The following C2orf74 variants were observed in gnomAD, a reference collection of about 807,000 sequenced individuals.
C2orf74 encodes DPM1 ER membrane anchor 1, also known as uncharacterized protein C2orf74.
Under a neutral mutation model 17.9 loss-of-function variants are expected in C2orf74, and 14 were observed. That is an observed-to-expected ratio of 0.78 (90% confidence interval 0.52 to 1.22). The LOEUF (loss-of-function observed/expected upper bound fraction) is 1.22, where lower values mean the gene tolerates loss of function less well. Among genes scored for constraint, C2orf74 ranks in the 50% most tolerant of loss-of-function variants. The pLI is 0.00. For missense variants in C2orf74, 217 were observed against 218.4 expected, an observed-to-expected ratio of 0.99 and a Z score of 0.04; for synonymous variants, 79 against 72.6, an observed-to-expected ratio of 1.09 and a Z score of -0.44.
chr2:61,148,278 CT>C (rs2105012437), intron 1 of C2orf74, among the ~76,000 whole-genome samples: 1 of 151,836 alleles, frequency 6.6e-6, no homozygotes, highest in African/African-American at 2.4e-5. Flanking sequence ...CCTCCGCCCC[CT>C]GGCTTCAAGC....
chr2:61,153,495 G>A (rs1485863027), intron 1 of C2orf74, among the ~76,000 whole-genome samples: 1 of 151,342 alleles, frequency 6.6e-6, no homozygotes, highest in Non-Finnish European at 1.5e-5. Context: ...TGTTAGCCAG[G>A]GTGGTCTCAA....
chr2:61,145,907 C>T (rs183768069), intron 1 of C2orf74, among the ~76,000 whole-genome samples: 3 of 152,120 alleles, frequency 2.0e-5, no homozygotes, highest in Non-Finnish European at 4.4e-5. Flanking sequence ...TGGTAATATA[C>T]TCAATATAGG....
upstream of C2orf74, chr2:61,157,946 C>T (rs528746738): frequency 1.1e-3 from 538 of 471,270 alleles, 6 homozygotes; most frequent in South Asian, 4.5e-3. Context: ...GCCCAAGTTG[C>T]TGCAGATCCT....
chr2:61,149,083 A>G (rs1286066720), intron 1 of C2orf74, among the ~76,000 whole-genome samples: 1 of 152,236 alleles, frequency 6.6e-6, no homozygotes, highest in African/African-American at 2.4e-5. Context: ...ACATGAGCGC[A>G]GATGAGCTTC....
At chr2:61,150,759 T>C (rs1685201562) in intron 1 of C2orf74, among the ~76,000 whole-genome samples, 1 of 152,072 alleles carries the variant, frequency 6.6e-6, no homozygotes, top group Admixed American at 6.5e-5. Flanking sequence ...CTCATCACTT[T>C]TGTTGGAGTT....
At position 61,162,421 on chromosome 2, in the gene C2orf74, T is replaced by G. The variant is rs1685588267; in HGVS notation, c.-94T>G. The stretch of plus-strand genomic sequence containing the variant: ...TTTTATTCCTCTGTTTCTAGAAAAC[T>G]TAAAGAACAAGAGAACTGCATTCAA... On this transcript the variant is annotated 5_prime_UTR_variant, in exon 2 of 5. Transcript: ENST00000432605. The G allele has an allele frequency of 2.1e-6, 2 of 952,140 alleles. No homozygotes were observed. Among genetic ancestry groups the G allele is most frequent in the African/African-American group, 1.7e-5 (1 of 59,728 alleles). The allele number at this position is 952,140 out of a possible 1,614,324, so 59.0% of individuals were successfully genotyped here.
chr2:61,158,129 C>T, upstream of C2orf74: 2 of 396,490 alleles, frequency 5.0e-6, no homozygotes, highest in South Asian at 3.7e-5. Context: ...ACCCCTGCTC[C>T]CCCATCTTCT....
Position 61,164,779 on chromosome 2 carries a change from A to G in C2orf74, c.*252A>G, listed in dbSNP as rs1685680538. On this transcript the variant is annotated 3_prime_UTR_variant, in exon 5 of 5. Transcript: ENST00000432605. ...GATTGTATTGCCCTTAAAACTATCT[A>G]CTCAAACACTGTTCTGGCATGTGAA... 1 of 303,558 alleles carries G rather than the reference A, an allele frequency of 3.3e-6. No individual in the cohort carries two copies. The highest frequency in any genetic ancestry group is 6.3e-5 in the East Asian group (1 of 15,870). 18.8% of individuals were successfully genotyped at this position (303,558 alleles called of 1,614,324 possible).
chr2:61,145,758 C>G (rs546235052), intron 1 of C2orf74, among the ~76,000 whole-genome samples: 1 of 152,074 alleles, frequency 6.6e-6, no homozygotes, highest in Non-Finnish European at 1.5e-5. Flanking sequence ...ACAGGTGGCA[C>G]GATCACAGCT....
Position 61,150,063 on chromosome 2 carries a change from C to T in C2orf74, c.-122+4867C>T, listed in dbSNP as rs77198198. Among the ~76,000 whole-genome samples, 66 of 152,194 alleles carry T rather than the reference C, an allele frequency of 4.3e-4. No individual in the cohort carries two copies. The East Asian group carries it at 0.011, about 26-fold the overall frequency. On this transcript the variant is annotated intron_variant, in intron 1 of 3. Transcript: ENST00000426997. ...ATAATACTGGGTCTGCAAAGATCGC[C>T]GAATGGTTGATGGAAGAATACTATA... is the stretch of plus-strand genomic sequence containing the variant.
intron 1 of C2orf74, among the ~76,000 whole-genome samples, chr2:61,152,617 G>A (rs567561771): frequency 3.9e-5 from 6 of 151,980 alleles, no homozygotes; most frequent in Non-Finnish European, 5.9e-5. Flanking sequence ...GGGAGGCTGA[G>A]GCGGGCAGAT....
At chr2:61,156,349 G>T (rs1179081284) in intron 1 of C2orf74, among the ~76,000 whole-genome samples, 1 of 151,744 alleles carries the variant, frequency 6.6e-6, no homozygotes, top group Non-Finnish European at 1.5e-5. Flanking sequence ...ACCACCCTGG[G>T]CAACATGGCA....
chr2:61,159,354 T>A (rs1227498542), upstream of C2orf74: 1 of 359,550 alleles, frequency 2.8e-6, no homozygotes, highest in Non-Finnish European at 5.4e-6. Context: ...TGGAGTGCAG[T>A]GGCACGATCT....
At chr2:61,156,239 T>C (rs1033587043) in intron 1 of C2orf74, among the ~76,000 whole-genome samples, 1 of 151,782 alleles carries the variant, frequency 6.6e-6, no homozygotes. Context: ...AGGGAATGAA[T>C]AGAAGTTAAA....
chr2:61,155,316 G>A (rs560084928), intron 1 of C2orf74, among the ~76,000 whole-genome samples: 5 of 152,090 alleles, frequency 3.3e-5, no homozygotes, highest in African/African-American at 9.6e-5. Flanking sequence ...TTCATGAAAT[G>A]TTTCTACTAT....
At chr2:61,151,520 G>C (rs1226774641) in intron 1 of C2orf74, 1 of 151,744 alleles carries the variant, frequency 6.6e-6, no homozygotes, top group Non-Finnish European at 1.5e-5. Flanking sequence ...CAAGATGTTA[G>C]TCTAAAGTAA....
At chr2:61,153,883 C>T (rs112695134) in intron 1 of C2orf74, among the ~76,000 whole-genome samples, 64,027 of 149,398 alleles carry the variant, frequency 0.43, 13,922 homozygotes, top group Middle Eastern at 0.51. Context: ...AGCAACACTC[C>T]GTCTCAAAAA....
intron 1 of C2orf74, among the ~76,000 whole-genome samples, chr2:61,154,170 G>T (rs1029518571): frequency 2.0e-5 from 3 of 151,294 alleles, no homozygotes; most frequent in Non-Finnish European, 4.4e-5. Flanking sequence ...GGAGGTGGAG[G>T]TTGCATTGAG....
At chr2:61,154,039 G>A (rs976274422) in intron 1 of C2orf74, among the ~76,000 whole-genome samples, 5 of 152,080 alleles carry the variant, frequency 3.3e-5, no homozygotes, top group Admixed American at 3.3e-4. Context: ...AGGAGTTCAA[G>A]ACCATCCTGG....
Sources: allele counts gnomAD v4.1 joint callset (sites outside exome capture counted in the v4.1 genomes callset), GRCh38; gene constraint gnomAD v4.1.1; transcripts MANE v1.5; gene names NCBI Gene and HGNC (gene_info 2026-07-23, HGNC 2026-07-21).